The following RBMS3 variants were observed in gnomAD, a reference collection of about 807,000 sequenced individuals.
RBMS3 encodes RNA-binding motif, single-stranded-interacting protein 3.
In RBMS3, 27 loss-of-function variants were observed where a neutral mutation model predicts 66.8. That is an observed-to-expected ratio of 0.40 (90% CI 0.30 to 0.56). The LOEUF (loss-of-function observed/expected upper bound fraction) is 0.56, where lower values mean the gene tolerates loss of function less well. Ranked by LOEUF, RBMS3 falls within the 20% of genes least tolerant of loss-of-function variation. RBMS3 has a pLI of 0.40. For missense variants in RBMS3, 513 were observed against 549.5 expected (o/e 0.93, Z 0.66); for synonymous variants, 188 against 183.0 (o/e 1.03, Z -0.22).
At chr3:29,630,414 G>T (rs1274348256) in intron 4 of RBMS3, among the ~76,000 whole-genome samples, 3 of 151,926 alleles carry the variant, frequency 2.0e-5, no homozygotes, top group Admixed American at 6.6e-5. Flanking sequence ...AGCCATCTGA[G>T]AGGAAGAATT....
At chr3:29,698,699 T>G (rs1381622971) in intron 4 of RBMS3, 1 of 757,508 alleles carries the variant, frequency 1.3e-6, no homozygotes, top group African/African-American at 1.9e-5. Flanking sequence ...CTGGAAAGAC[T>G]CTGTGTGGAC....
chr3:29,626,684 C>T (rs2049073114), intron 4 of RBMS3, among the ~76,000 whole-genome samples: 1 of 152,090 alleles, frequency 6.6e-6, no homozygotes, highest in Non-Finnish European at 1.5e-5. Flanking sequence ...AACCACAAAG[C>T]ACCTGCATAT....
At chr3:29,921,980 A>G (rs1050816941) in intron 10 of RBMS3, among the ~76,000 whole-genome samples, 2 of 152,132 alleles carry the variant, frequency 1.3e-5, no homozygotes, top group African/African-American at 4.8e-5. Flanking sequence ...TTGTGGCTCA[A>G]CTGTGACTCT....
At chr3:29,561,950 T>G (rs1294927117) in intron 3 of RBMS3, among the ~76,000 whole-genome samples, 2 of 152,172 alleles carry the variant, frequency 1.3e-5, no homozygotes, top group Non-Finnish European at 2.9e-5. Context: ...AACTTAAGTT[T>G]GTTTTTTTAG....
intron 1 of RBMS3, among the ~76,000 whole-genome samples, chr3:29,398,363 A>G (rs1454522040): frequency 6.6e-6 from 1 of 152,112 alleles, no homozygotes; most frequent in Non-Finnish European, 1.5e-5. Context: ...TGTGTGAAGG[A>G]GCTTATGTAC....
intron 4 of RBMS3, among the ~76,000 whole-genome samples, chr3:29,656,166 G>C (rs1229396612): frequency 6.6e-6 from 1 of 152,068 alleles, no homozygotes; most frequent in Non-Finnish European, 1.5e-5. Flanking sequence ...GATAAATGAA[G>C]TGTAGCCTAA....
At chr3:29,593,466 G>T (rs555834200) in intron 4 of RBMS3, among the ~76,000 whole-genome samples, 3 of 152,168 alleles carry the variant, frequency 2.0e-5, no homozygotes, top group South Asian at 2.1e-4. Context: ...AAGAGGCATT[G>T]TTCCAGGGTA....
rs575699763 is a variant in RBMS3, at chr3:29,839,205, C to A, written c.638-29653C>A. ...GCTGAAATGCACAGATTGTTTTCTT[C>A]CTGTGTGGTGCAGGGAACACTTCTA... is the stretch of plus-strand genomic sequence containing the variant. On this transcript the variant is annotated intron_variant, in intron 6 of 14. Transcript: ENST00000383767. Among the ~76,000 whole-genome samples, 8 of 152,214 alleles carry A rather than the reference C, an allele frequency of 5.3e-5. No homozygotes were observed. In the South Asian group the frequency reaches 1.0e-3, roughly 20 times the overall value.
At chr3:29,413,313 G>A (rs544340896) in intron 1 of RBMS3, among the ~76,000 whole-genome samples, 20 of 152,220 alleles carry the variant, frequency 1.3e-4, no homozygotes, top group African/African-American at 4.8e-4. Flanking sequence ...AGGTTGCAGT[G>A]AGCTGAGATC....
chr3:29,347,418 G>T (rs1290868621), intron 1 of RBMS3, among the ~76,000 whole-genome samples: 3 of 152,120 alleles, frequency 2.0e-5, no homozygotes, highest in Non-Finnish European at 2.9e-5. Context: ...TAGAGGAAAG[G>T]TCTAGGGGTT....
At position 29,489,620 on chromosome 3, in the gene RBMS3, T is replaced by C. The variant is rs138098528; in HGVS notation, c.307+1121T>C. ...GACAAACCACTGTTAGAGGAGAACATAGAGATTTCTTTTTGGGAAATGAAG... is the reference window on the plus strand; with the variant it reads ...GACAAACCACTGTTAGAGGAGAACACAGAGATTTCTTTTTGGGAAATGAAG... On this transcript the variant is annotated intron_variant, in intron 3 of 14. Coordinates refer to ENST00000383767, the MANE Select transcript of RBMS3 (RefSeq NM_001003793.3). Among the ~76,000 whole-genome samples, 536 of 150,602 alleles carry C rather than the reference T, an allele frequency of 3.6e-3. 3 individuals carry two copies. Among genetic ancestry groups the C allele is most frequent in the Non-Finnish European group, 6.1e-3 (415 of 67,842 alleles).
chr3:29,917,652 G>T (rs1197998814), intron 10 of RBMS3, among the ~76,000 whole-genome samples: 1 of 151,896 alleles, frequency 6.6e-6, no homozygotes, highest in Non-Finnish European at 1.5e-5. Flanking sequence ...TCTTAGAGAG[G>T]GTCATGGGAG....
rs184739912 is a variant in RBMS3, at chr3:29,494,278, C to A, written c.307+5779C>A. ...CTTTTATGCTCTCCTGAATCCCACC[C>A]ACACCCTGTAAGTTAGGGACAGTAG... On this transcript the variant is annotated intron_variant, in intron 3 of 14. Transcript: ENST00000383767. Among the ~76,000 whole-genome samples, 5 of 152,284 alleles carry A rather than the reference C, an allele frequency of 3.3e-5. No homozygotes were observed. The East Asian group carries it at 7.7e-4, about 23-fold the overall frequency.
intron 4 of RBMS3, among the ~76,000 whole-genome samples, chr3:29,725,683 C>A (rs2053834760): frequency 6.6e-6 from 1 of 152,118 alleles, no homozygotes; most frequent in South Asian, 2.1e-4. Context: ...CCTGAATAGA[C>A]CAATAACAAG....
intron 5 of RBMS3, among the ~76,000 whole-genome samples, chr3:29,761,147 G>A (rs550575581): frequency 6.6e-6 from 1 of 152,072 alleles, no homozygotes; most frequent in Non-Finnish European, 1.5e-5. Context: ...CAAGTGCAGG[G>A]TTGTTCTAAG....
chr3:29,337,738 A>G (rs2036036031), intron 1 of RBMS3, among the ~76,000 whole-genome samples: 1 of 152,156 alleles, frequency 6.6e-6, no homozygotes, highest in African/African-American at 2.4e-5. Flanking sequence ...AGAATCAAAG[A>G]CTAATGTAAT....
intron 12 of RBMS3, among the ~76,000 whole-genome samples, chr3:29,984,460 G>A (rs1392466454): frequency 2.6e-5 from 4 of 151,790 alleles, no homozygotes; most frequent in Admixed American, 1.3e-4. Flanking sequence ...TCTCACTGGC[G>A]AGAAGTTGTG....
At chr3:29,722,912 T>G (rs560615139) in intron 4 of RBMS3, among the ~76,000 whole-genome samples, 132 of 152,208 alleles carry the variant, frequency 8.7e-4, no homozygotes, top group African/African-American at 2.9e-3. Flanking sequence ...AGTTACAGTT[T>G]TCCATGGAGA....
rs73049042 is a variant in RBMS3 at position 29,973,830 on chromosome 3, T to C, written c.1099-14313T>C. Among the ~76,000 whole-genome samples the C allele has an allele frequency of 1.6e-3, 237 of 152,050 alleles. 3 individuals are homozygous for C. Among genetic ancestry groups the C allele is most frequent in the Middle Eastern group, 0.014 (4 of 294 alleles). ...TTTCCACACACTTCTTTCATGACCC[T>C]ATGGCAACAGTTCTTTGACACTGCT... On this transcript the variant is annotated intron_variant, in intron 12 of 14. Coordinates refer to ENST00000383767, the MANE Select transcript of RBMS3 (RefSeq NM_001003793.3).
Sources: allele counts gnomAD v4.1 joint callset (sites outside exome capture counted in the v4.1 genomes callset), GRCh38; gene constraint gnomAD v4.1.1; transcripts MANE v1.5; gene names NCBI Gene and HGNC (gene_info 2026-07-23, HGNC 2026-07-21).